The following ZNF732 variants were observed in gnomAD, a reference collection of about 807,000 sequenced individuals.
ZNF732 encodes the protein zinc finger protein LOC654254.
ZNF732 carries 12 observed loss-of-function variants against 11.5 expected under a neutral mutation model. That is an observed-to-expected ratio of 1.05 (90% CI 0.67 to 1.70). The LOEUF (loss-of-function observed/expected upper bound fraction) is 1.70, where lower values mean the gene tolerates loss of function less well. ZNF732 is among the 40% of genes most tolerant of loss of function. The pLI, the probability that ZNF732 is intolerant of heterozygous loss-of-function variation, is 0.00. For missense variants in ZNF732, 702 were observed against 676.9 expected (o/e 1.04, Z -0.41); for synonymous variants, 231 against 236.5 (o/e 0.98, Z 0.21).
chr4:293,763 T>C (rs2108658797), intron 3 of ZNF732, among the ~76,000 whole-genome samples: 1 of 152,342 alleles, frequency 6.6e-6, no homozygotes, highest in East Asian at 1.9e-4. Flanking sequence ...GACTATATTT[T>C]ACAATAAAAT....
chr4:280,341 C>G (rs1195321655), intron 3 of ZNF732, among the ~76,000 whole-genome samples: 4 of 150,018 alleles, frequency 2.7e-5, no homozygotes, highest in African/African-American at 9.8e-5. Flanking sequence ...CCTGTAATCC[C>G]AGCACTTTGG....
intron 3 of ZNF732, among the ~76,000 whole-genome samples, chr4:275,030 T>C (rs1172067030): frequency 6.6e-6 from 1 of 151,628 alleles, no homozygotes; most frequent in African/African-American, 2.4e-5. Context: ...AACAGGAGAC[T>C]TGAAACCAGT....
At chr4:292,890 CAAAAA>C (rs34118991) in intron 3 of ZNF732, among the ~76,000 whole-genome samples, 67 of 79,492 alleles carry the variant, frequency 8.4e-4, no homozygotes, top group African/African-American at 2.6e-3. Context: ...ACTAAAAACA[CAAAAA>C]AAAAAAAAAA....
intron 3 of ZNF732, among the ~76,000 whole-genome samples, chr4:284,644 G>A (rs1045941821): frequency 2.6e-5 from 4 of 151,822 alleles, no homozygotes; most frequent in Non-Finnish European, 5.9e-5. Flanking sequence ...AGGCTGAGGC[G>A]GGTGGATCAC....
At chr4:297,781 G>A (rs1243696994) in intron 1 of ZNF732, among the ~76,000 whole-genome samples, 1 of 152,108 alleles carries the variant, frequency 6.6e-6, no homozygotes, top group Non-Finnish European at 1.5e-5. Flanking sequence ...ACCAGCTTTG[G>A]AGAGGCAGTA....
At chr4:304,458 G>C (rs1465380715) in intron 1 of ZNF732, among the ~76,000 whole-genome samples, 2 of 152,124 alleles carry the variant, frequency 1.3e-5, no homozygotes, top group African/African-American at 4.8e-5. Flanking sequence ...TGCGGAGTTT[G>C]CTCAACATCA....
chr4:294,489 T>C (rs1225479589), intron 3 of ZNF732, among the ~76,000 whole-genome samples: 6 of 152,186 alleles, frequency 3.9e-5, no homozygotes, highest in South Asian at 2.1e-4. Flanking sequence ...AAAATTATAA[T>C]AGTTATTAAG....
At chr4:272,709 AC>A in intron 3 of ZNF732, 79 bp from the exon 4 acceptor site, 1 of 1,284,410 alleles carries the variant, frequency 7.8e-7, no homozygotes, top group Non-Finnish European at 1.0e-6. Context: ...ATAAACTTAT[AC>A]AAAGTACATT....
chr4:291,646 A>C (rs1452306082), intron 3 of ZNF732, among the ~76,000 whole-genome samples: 1 of 152,208 alleles, frequency 6.6e-6, no homozygotes, highest in African/African-American at 2.4e-5. Context: ...TATATTTTCG[A>C]AAGTGATTTG....
At chr4:274,501 G>A (rs1478075760) in intron 3 of ZNF732, among the ~76,000 whole-genome samples, 1 of 151,582 alleles carries the variant, frequency 6.6e-6, no homozygotes, top group Non-Finnish European at 1.5e-5. Flanking sequence ...ACAATAAGAT[G>A]AGTAAGTCTA....
intron 1 of ZNF732, among the ~76,000 whole-genome samples, chr4:303,029 T>A (rs1162393435): frequency 1.3e-5 from 2 of 152,144 alleles, no homozygotes; most frequent in African/African-American, 4.8e-5. Context: ...CATCCAAGAA[T>A]GCAATTAACT....
chr4:295,249 AAG>A (rs1372300179), intron 3 of ZNF732, among the ~76,000 whole-genome samples, 187 bp downstream of exon 3: 5 of 152,298 alleles, frequency 3.3e-5, no homozygotes, highest in African/African-American at 1.2e-4. Flanking sequence ...CTAAAGAAAA[AAG>A]AGAATTCTTA....
chr4:283,816 A>C (rs1223433273), intron 3 of ZNF732, among the ~76,000 whole-genome samples: 3 of 152,214 alleles, frequency 2.0e-5, no homozygotes, highest in Non-Finnish European at 4.4e-5. Flanking sequence ...ACACACATGG[A>C]ATATTCTCTA....
At chr4:304,931 A>G (rs1049656759) in intron 1 of ZNF732, among the ~76,000 whole-genome samples, 4 of 152,174 alleles carry the variant, frequency 2.6e-5, no homozygotes, top group Non-Finnish European at 5.9e-5. Context: ...TGCTCACATG[A>G]ACTCTATGTT....
intron 3 of ZNF732, among the ~76,000 whole-genome samples, chr4:281,086 T>C (rs1719611024): frequency 6.6e-6 from 1 of 152,190 alleles, no homozygotes; most frequent in Admixed American, 6.5e-5. Flanking sequence ...AAGTTTTTCC[T>C]AACCTGGGAC....
chr4:285,704 C>T (rs1252050128), intron 3 of ZNF732, among the ~76,000 whole-genome samples: 1 of 152,172 alleles, frequency 6.6e-6, no homozygotes, highest in Non-Finnish European at 1.5e-5. Flanking sequence ...CATTCTCCAA[C>T]AGACCCACGG....
At chr4:293,230 T>C (rs1719877923) in intron 3 of ZNF732, among the ~76,000 whole-genome samples, 1 of 134,702 alleles carries the variant, frequency 7.4e-6, no homozygotes, top group African/African-American at 3.1e-5. Flanking sequence ...ATAGCCAAAA[T>C]ATGGTGTGTG....
Position 293,089 on chromosome 4 carries a change from AAAC to A in ZNF732, c.226+2346_226+2348del, listed in dbSNP as rs1371591908. 7.1e-5 allele frequency among the ~76,000 whole-genome samples: 10 copies of A among 141,452 alleles called. No homozygotes were observed. The South Asian group carries it at 1.6e-3, about 23-fold the overall frequency. The allele number at this position is 141,452 out of a possible 152,430, so 92.8% of individuals were successfully genotyped here. A position where few individuals can be genotyped will look rare whatever the true frequency, so the allele number is the denominator to read the frequency against. ...TCTCAAAAAAAAAAAAAAAAAAAAA[AAAC>A]CAGTAAGAAATAAAAATGGAAATAT... On this transcript the variant is annotated intron_variant, in intron 3 of 3. Coordinates refer to ENST00000419098, the MANE Select transcript of ZNF732 (RefSeq NM_001137608.3).
At chr4:293,886 G>A (rs1385847863) in intron 3 of ZNF732, among the ~76,000 whole-genome samples, 1 of 152,024 alleles carries the variant, frequency 6.6e-6, no homozygotes, top group Non-Finnish European at 1.5e-5. Flanking sequence ...CAGATATATA[G>A]TAAGTACTCA....
Sources: allele counts gnomAD v4.1 joint callset (sites outside exome capture counted in the v4.1 genomes callset), GRCh38; gene constraint gnomAD v4.1.1; transcripts MANE v1.5; gene names NCBI Gene and HGNC (gene_info 2026-07-23, HGNC 2026-07-21).